Variants in KIAA0319L observed in about 807,000 individuals in gnomAD.
The protein encoded by KIAA0319L is dyslexia-associated protein KIAA0319-like protein.
In KIAA0319L, 55 loss-of-function variants were observed where a neutral mutation model predicts 120.1. The ratio of observed to expected loss-of-function variants is 0.46; its 90% CI spans 0.37 to 0.57. The LOEUF (loss-of-function observed/expected upper bound fraction) is 0.57, where lower values mean the gene tolerates loss of function less well. Among genes scored for constraint, KIAA0319L ranks in the 20% least tolerant of loss-of-function variants. The pLI is 0.00. For synonymous variants in KIAA0319L, 398 were observed against 471.9 expected, an observed-to-expected ratio of 0.84 and a Z score of 2.03; for missense variants, 1,049 against 1,255.3, an observed-to-expected ratio of 0.84 and a Z score of 2.48.
intron 2 of KIAA0319L, chr1:35,510,887 T>G (rs543677815): frequency 2.6e-5 from 4 of 151,646 alleles, no homozygotes; most frequent in Admixed American, 6.6e-5. Context: ...GGATTACAGG[T>G]GTGAGCCACT....
Position 35,449,993 on chromosome 1 carries a change from G to T in KIAA0319L, c.2227C>A (p.His743Asn), listed in dbSNP as rs1284850385. 1.2e-6 allele frequency: 2 copies of T among 1,614,046 alleles called. No homozygotes were observed. Among genetic ancestry groups the T allele is most frequent in the Non-Finnish European group, 1.7e-6 (2 of 1,180,028 alleles). Residue 743 changes from histidine to asparagine, a missense_variant, in exon 15 of 21, where the codon CAC (histidine) becomes AAC (asparagine). Physicochemically the swap from His to Asn is moderately conservative, Grantham distance 68. Coordinates refer to ENST00000325722, the MANE Select transcript of KIAA0319L (RefSeq NM_024874.5). ...AAAAGGATAGGGTGATGGTCAGAGT[G>T]ATTTAACACCTCCTGTAGGGTTGAA... Reference protein sequence around the residue: ...GSPAAGEVLNHSDHHPILFLS... With the variant: ...GSPAAGEVLNNSDHHPILFLS...
At chr1:35,554,883 C>T (rs1647708768) in intron 1 of KIAA0319L, 1 of 156,520 alleles carries the variant, frequency 6.4e-6, no homozygotes, top group African/African-American at 2.4e-5. Context: ...TGACTTTGAC[C>T]AAACACACTT....
chr1:35,539,928 T>A (rs1646726524), intron 2 of KIAA0319L, among the ~76,000 whole-genome samples: 1 of 152,086 alleles, frequency 6.6e-6, no homozygotes, highest in Non-Finnish European at 1.5e-5. Flanking sequence ...CCCCACTCCA[T>A]CTCCCAGGTC....
In KIAA0319L at chr1:35,454,421, G is replaced by A; in HGVS notation, c.1721C>T (p.Thr574Ile). ...CTGCTGTCCTATTGTGTCAGTCACT[G>A]TGAGCTGGTAAGTGTAGTCTCCTTC... ...MQEGDYTYQLTVTDTIGQQAT... is the reference protein window; with the variant it reads ...MQEGDYTYQLIVTDTIGQQAT... Residue 574 changes from threonine to isoleucine, a missense_variant, in exon 11 of 21, where the codon ACA becomes ATA. Transcript: ENST00000325722. 4 of 1,614,134 alleles carry A rather than the reference G, an allele frequency of 2.5e-6. No individual in the cohort carries two copies. Among genetic ancestry groups the A allele is most frequent in the Non-Finnish European group, 3.4e-6 (4 of 1,179,960 alleles).
chr1:35,442,168 G>A, intron 19 of KIAA0319L, 78 bp downstream of exon 19: 1 of 1,081,640 alleles, frequency 9.2e-7, no homozygotes, highest in Non-Finnish European at 1.4e-6. Context: ...CTTCCACGTG[G>A]AAGGTGCCAA....
chr1:35,504,442 C>T (rs530636534), intron 3 of KIAA0319L, among the ~76,000 whole-genome samples: 4 of 152,258 alleles, frequency 2.6e-5, no homozygotes, highest in South Asian at 2.1e-4. Flanking sequence ...GTGATCCGCC[C>T]GCCTTGGCCT....
chr1:35,508,268 G>A (rs892245096), intron 2 of KIAA0319L, among the ~76,000 whole-genome samples: 3 of 152,118 alleles, frequency 2.0e-5, no homozygotes, highest in Admixed American at 1.3e-4. Flanking sequence ...CTGGCCCTGG[G>A]CTTATAACAT....
chr1:35,513,282 ATATATATTTT>A (rs1273086790), intron 2 of KIAA0319L, among the ~76,000 whole-genome samples: 1 of 98,842 alleles, frequency 1.0e-5, no homozygotes, highest in African/African-American at 4.2e-5. Context: ...ATATATATAT[ATATATATTTT>A]TTTTTTTTTT....
intron 2 of KIAA0319L, among the ~76,000 whole-genome samples, chr1:35,553,399 C>T (rs975021397): frequency 3.3e-5 from 5 of 150,310 alleles, no homozygotes; most frequent in Non-Finnish European, 7.4e-5. Context: ...TCAAGTACAA[C>T]TTCCACTGCT....
At chr1:35,482,027 T>G (rs1302846447) in intron 3 of KIAA0319L, among the ~76,000 whole-genome samples, 2 of 151,994 alleles carry the variant, frequency 1.3e-5, no homozygotes, top group African/African-American at 2.4e-5. Flanking sequence ...GGTTTCACCG[T>G]GTTAGCCAGG....
At chr1:35,507,286 GAA>G in intron 2 of KIAA0319L, 151 bp from the exon 3 acceptor site, 1 of 641,046 alleles carries the variant, frequency 1.6e-6, no homozygotes, top group Non-Finnish European at 2.5e-6. Context: ...CAAAGGAAGT[GAA>G]AGAGAGTGTT....
At chr1:35,527,319 T>C (rs1646187646) in intron 2 of KIAA0319L, among the ~76,000 whole-genome samples, 2 of 152,218 alleles carry the variant, frequency 1.3e-5, no homozygotes, top group Non-Finnish European at 2.9e-5. Context: ...TGCATCTATG[T>C]TCACTGGGGA....
rs1644815780 is a variant in KIAA0319L at position 35,496,636 on chromosome 1, G to C, written c.666+9976C>G. On this transcript the variant is annotated intron_variant, in intron 3 of 20. Transcript: ENST00000325722. ...TATCTATACAATGGAATACTACTTA[G>C]GAATTTTCAAAAGCCAGCTACTAGG... 2.0e-5 allele frequency among the ~76,000 whole-genome samples: 3 copies of C among 152,010 alleles called. No homozygotes were observed. The East Asian group carries it at 5.8e-4, about 29-fold the overall frequency.
At chr1:35,528,323 C>T (rs183439365) in intron 2 of KIAA0319L, among the ~76,000 whole-genome samples, 2 of 152,312 alleles carry the variant, frequency 1.3e-5, no homozygotes, top group African/African-American at 4.8e-5. Context: ...CTCAAGTGAT[C>T]CTCCTGCCTC....
At chr1:35,546,657 C>A (rs1646993328) in intron 2 of KIAA0319L, among the ~76,000 whole-genome samples, 1 of 152,202 alleles carries the variant, frequency 6.6e-6, no homozygotes, top group South Asian at 2.1e-4. Context: ...CTATACCCAT[C>A]CAGTTGTTTC....
chr1:35,493,496 T>A lies in KIAA0319L; in HGVS notation c.666+13116A>T, dbSNP rs117029534. Among the ~76,000 whole-genome samples the A allele has an allele frequency of 2.0e-5, 3 of 152,188 alleles. No homozygotes were observed. The South Asian group carries it at 6.2e-4, about 32-fold the overall frequency. On this transcript the variant is annotated intron_variant, in intron 3 of 20. Coordinates refer to ENST00000325722, the MANE Select transcript of KIAA0319L (RefSeq NM_024874.5). ...GATCTTGCACATTTTTAGATTTTTT[T>A]AGAATTACAGATAAACCTGACAAAA...
chr1:35,489,424 T>C (rs889719663), intron 3 of KIAA0319L, among the ~76,000 whole-genome samples: 5 of 152,140 alleles, frequency 3.3e-5, no homozygotes, highest in Admixed American at 2.6e-4. Flanking sequence ...CCCAGCTTAC[T>C]GTCTAGAAAA....
At chr1:35,478,286 G>A (rs1047561521) in intron 4 of KIAA0319L, among the ~76,000 whole-genome samples, 1 of 148,948 alleles carries the variant, frequency 6.7e-6, no homozygotes, top group Non-Finnish European at 1.5e-5. Context: ...TAAGAGGGAG[G>A]GGGGGATGGT....
intron 1 of KIAA0319L, chr1:35,556,862 C>G (rs1381270165): frequency 6.6e-6 from 1 of 152,284 alleles, no homozygotes; most frequent in Non-Finnish European, 1.5e-5. Context: ...AACTTTCTAT[C>G]TCGGTGGAGA....
Sources: allele counts gnomAD v4.1 joint callset (sites outside exome capture counted in the v4.1 genomes callset), GRCh38; gene constraint gnomAD v4.1.1; transcripts MANE v1.5; gene names NCBI Gene and HGNC (gene_info 2026-07-23, HGNC 2026-07-21).